Variants in CACNG2 observed in about 807,000 individuals in gnomAD.
The protein encoded by CACNG2 is calcium voltage-gated channel auxiliary subunit gamma 2, also known as voltage-dependent calcium channel gamma-2 subunit.
In CACNG2, 3 loss-of-function variants were observed where a neutral mutation model predicts 25.9. The ratio of observed to expected loss-of-function variants is 0.12; its 90% confidence interval spans 0.05 to 0.30. CACNG2 has a LOEUF of 0.30. Ranked by LOEUF, CACNG2 falls within the 10% of genes least tolerant of loss-of-function variation. CACNG2 has a pLI of 1.00. For synonymous variants in CACNG2, 167 were observed against 173.3 expected, an observed-to-expected ratio of 0.96 and a Z score of 0.29; for missense variants, 341 against 432.5, an observed-to-expected ratio of 0.79 and a Z score of 1.88.
rs545908000 is a variant in CACNG2, at chr22:36,581,680, G to A, written c.295+5785C>T. Among the ~76,000 whole-genome samples, 4 of 152,242 alleles carry A rather than the reference G, an allele frequency of 2.6e-5. No individual in the cohort carries two copies. The South Asian group carries it at 6.2e-4, about 24-fold the overall frequency. ...TCATCTCACTGGCCCCTAAGCCTTCGTGGTGTCCTGGAGCTTAGTGTCTGG... is the reference window on the plus strand; with the variant it reads ...TCATCTCACTGGCCCCTAAGCCTTCATGGTGTCCTGGAGCTTAGTGTCTGG... On this transcript the variant is annotated intron_variant, in intron 2 of 3. Coordinates refer to ENST00000300105, the MANE Select transcript of CACNG2 (RefSeq NM_006078.5).
chr22:36,622,666 C>T (rs543889581), intron 1 of CACNG2, among the ~76,000 whole-genome samples: 13 of 152,194 alleles, frequency 8.5e-5, no homozygotes, highest in African/African-American at 2.9e-4. Flanking sequence ...TCACTTAAAA[C>T]GTAAGACAAG....
At chr22:36,699,849 T>A (rs1291484613) in intron 1 of CACNG2, among the ~76,000 whole-genome samples, 1 of 152,156 alleles carries the variant, frequency 6.6e-6, no homozygotes, top group Non-Finnish European at 1.5e-5. Context: ...CCTTTGGAGA[T>A]CAGTGCAGTC....
rs150343729 is a variant in CACNG2 at position 36,649,347 on chromosome 22, G to A, written c.211+53019C>T. Reference sequence around the variant, plus strand: ...CACTCTGTCACCCGGGCTGGAGTACGGCGGTGTGATCTCGGCTCACTGCAA... The same window carrying A: ...CACTCTGTCACCCGGGCTGGAGTACAGCGGTGTGATCTCGGCTCACTGCAA... On this transcript the variant is annotated intron_variant, in intron 1 of 3. Coordinates refer to ENST00000300105, the MANE Select transcript of CACNG2 (RefSeq NM_006078.5). Among the ~76,000 whole-genome samples the A allele has an allele frequency of 5.8e-4, 88 of 152,090 alleles. 1 individual carries two copies. The highest frequency in any genetic ancestry group is 1.6e-3 in the Admixed American group (24 of 15,278).
chr22:36,600,023 C>T (rs766282811), intron 1 of CACNG2, among the ~76,000 whole-genome samples: 4 of 152,140 alleles, frequency 2.6e-5, no homozygotes, highest in Non-Finnish European at 4.4e-5. Context: ...GCCTTTAGGG[C>T]ATGGGATGTG....
chr22:36,595,888 A>C (rs1935671388), intron 1 of CACNG2, among the ~76,000 whole-genome samples: 1 of 152,254 alleles, frequency 6.6e-6, no homozygotes, highest in Non-Finnish European at 1.5e-5. Context: ...GGGCTGGCAC[A>C]GCTCTGGCTC....
intron 1 of CACNG2, among the ~76,000 whole-genome samples, chr22:36,619,621 C>T (rs920463142): frequency 3.3e-5 from 5 of 152,226 alleles, no homozygotes; most frequent in African/African-American, 1.2e-4. Context: ...GTAGTCCCAT[C>T]ATCCACCTTG....
intron 1 of CACNG2, among the ~76,000 whole-genome samples, chr22:36,632,046 A>G (rs1299670109): frequency 1.3e-5 from 2 of 152,212 alleles, no homozygotes; most frequent in Non-Finnish European, 2.9e-5. Flanking sequence ...AGAACACGCC[A>G]CACTGTGTGG....
At chr22:36,680,234 TCAC>T (rs1357007756) in intron 1 of CACNG2, among the ~76,000 whole-genome samples, 1 of 93,582 alleles carries the variant, frequency 1.1e-5, no homozygotes, top group East Asian at 3.5e-4. Flanking sequence ...ACCACCATCA[TCAC>T]CACCACCATC....
At chr22:36,574,785 CAAAACAAAACA>C (rs1569017383) in intron 2 of CACNG2, among the ~76,000 whole-genome samples, 1 of 60,800 alleles carries the variant, frequency 1.6e-5, no homozygotes, top group Non-Finnish European at 3.0e-5. Flanking sequence ...TCTGTCTCAA[CAAAACAAAACA>C]AAACCAAAAC....
At chr22:36,630,435 C>T (rs1291865355) in intron 1 of CACNG2, among the ~76,000 whole-genome samples, 1 of 152,016 alleles carries the variant, frequency 6.6e-6, no homozygotes, top group Non-Finnish European at 1.5e-5. Context: ...TGGATGGTGA[C>T]CATTTATCTA....
chr22:36,675,498 T>C (rs751470149), intron 1 of CACNG2, among the ~76,000 whole-genome samples: 1 of 152,246 alleles, frequency 6.6e-6, no homozygotes, highest in Non-Finnish European at 1.5e-5. Context: ...TCTCCTTTTA[T>C]GTCGACTTTT....
At position 36,606,757 on chromosome 22, in the gene CACNG2, C is replaced by CGTGTGTGTGTGTGTGTGTGTGTGT. The variant is rs34178354; in HGVS notation, c.212-19210_212-19209insACACACACACACACACACACACAC. On this transcript the variant is annotated intron_variant, in intron 1 of 3. Coordinates refer to ENST00000300105, the MANE Select transcript of CACNG2 (RefSeq NM_006078.5). This position sits in a 1 kb window ranked among gnomAD's most constrained non-coding sequence, Gnocchi z 5.7. The stretch of plus-strand genomic sequence containing the variant: ...ACGGAAACCAGACGGTTGGGCTGTG[C>CGTGTGTGTGTGTGTGTGTGTGTGT]GTGTGTGTGTGTGTGTGTGTGTATG... 1.4e-5 allele frequency among the ~76,000 whole-genome samples: 2 copies of CGTGTGTGTGTGTGTGTGTGTGTGT among 147,966 alleles called. No homozygotes were observed. Among genetic ancestry groups the CGTGTGTGTGTGTGTGTGTGTGTGT allele is most frequent in the Non-Finnish European group, 3.0e-5 (2 of 66,902 alleles).
intron 2 of CACNG2, 37 bp from the exon 3 acceptor site, chr22:36,566,530 C>T: frequency 6.2e-7 from 1 of 1,612,878 alleles, no homozygotes; most frequent in South Asian, 1.1e-5. Context: ...AAGAGAACGG[C>T]ATGGCTGTGA....
intron 1 of CACNG2, among the ~76,000 whole-genome samples, chr22:36,617,338 G>A (rs1273839901): frequency 6.6e-6 from 1 of 152,138 alleles, no homozygotes; most frequent in Non-Finnish European, 1.5e-5. Flanking sequence ...GGTGTTCTAT[G>A]TATGTTAATT....
At chr22:36,659,522 T>A (rs1936757790) in intron 1 of CACNG2, among the ~76,000 whole-genome samples, 1 of 151,780 alleles carries the variant, frequency 6.6e-6, no homozygotes, top group African/African-American at 2.4e-5. Flanking sequence ...GGGTATGCCG[T>A]GGAGTCTTCC....
chr22:36,618,928 AAAC>A (rs1403203241), intron 1 of CACNG2, among the ~76,000 whole-genome samples: 1 of 75,520 alleles, frequency 1.3e-5, no homozygotes, highest in African/African-American at 3.9e-5. Context: ...AAAAAACAAA[AAAC>A]AAAAAACAAA....
At chr22:36,580,473 G>A (rs1935396665) in intron 2 of CACNG2, among the ~76,000 whole-genome samples, 1 of 152,010 alleles carries the variant, frequency 6.6e-6, no homozygotes, top group South Asian at 2.1e-4. Flanking sequence ...GCTTTGATGA[G>A]GGCCTGCCTC....
chr22:36,607,944 G>C (rs1935869660), intron 1 of CACNG2, among the ~76,000 whole-genome samples: 1 of 152,202 alleles, frequency 6.6e-6, no homozygotes, highest in East Asian at 1.9e-4. Flanking sequence ...GTAATGTACA[G>C]GTAGACCCGA....
At chr22:36,611,765 G>T (rs897147269) in intron 1 of CACNG2, among the ~76,000 whole-genome samples, 34 of 152,214 alleles carry the variant, frequency 2.2e-4, no homozygotes, top group African/African-American at 7.9e-4. Context: ...GTTCTGTCTG[G>T]TCAGGACCGA....
Sources: gnomAD v4.1 joint callset for allele counts (sites outside exome capture counted in the v4.1 genomes callset) on GRCh38, gnomAD v4.1.1 for gene constraint, Gnocchi (gnomAD v3.1) non-coding constraint, MANE v1.5 for transcripts, NCBI Gene and HGNC (gene_info 2026-07-23, HGNC 2026-07-21) for gene names.